CYP4X1: variants seen among roughly 807,000 people sequenced by gnomAD.
CYP4X1 encodes cytochrome P450 4X1.
In CYP4X1, 44 loss-of-function variants were observed where a neutral mutation model predicts 57.9. The ratio of observed to expected loss-of-function variants is 0.76; its 90% CI spans 0.60 to 0.98. The LOEUF is 0.98. Ranked by LOEUF, CYP4X1 falls within the 50% of genes least tolerant of loss-of-function variation. The probability of loss-of-function intolerance (pLI) is 0.00; values close to 1 mark genes in which losing one functional copy is unlikely to be tolerated. For missense variants in CYP4X1, 532 were observed against 623.9 expected (o/e 0.85, Z 1.57); for synonymous variants, 227 against 228.6 (o/e 0.99, Z 0.06).
At chr1:47,007,822 G>A in the CYP4X1 span, among the ~76,000 whole-genome samples, 48,431 of 152,030 alleles carry the variant, frequency 0.32, 8,212 homozygotes, top group East Asian at 0.51. Flanking sequence ...GGAAGAAAGG[G>A]TATCAGTGAT....
chr1:47,033,231 A>C lies in CYP4X1; in HGVS notation c.365-10A>C, dbSNP rs1557604221. The C allele has an allele frequency of 6.2e-7, 1 of 1,609,832 alleles. No homozygotes were observed. Among genetic ancestry groups the C allele is most frequent in the African/African-American group, 1.3e-5 (1 of 74,518 alleles). The stretch of plus-strand genomic sequence containing the variant: ...AATGGCATAAGGTTTTCTGCCTTTT[A>C]TTTCTCAAGGAAAAGGACTAGCGGC... On this transcript the variant is annotated splice_polypyrimidine_tract_variant and intron_variant, in intron 3 of 11. Transcript: ENST00000371901.
chr1:46,985,328 A>G, the CYP4X1 span, among the ~76,000 whole-genome samples: 1 of 152,018 alleles, frequency 6.6e-6, no homozygotes, highest in African/African-American at 2.4e-5. Context: ...AGTCTATCTC[A>G]AAAAAAATAA....
At chr1:47,002,648 T>C in the CYP4X1 span, among the ~76,000 whole-genome samples, 2 of 152,246 alleles carry the variant, frequency 1.3e-5, no homozygotes, top group African/African-American at 4.8e-5. Context: ...TTCTAAAGCA[T>C]CCATTTTGGA....
the CYP4X1 span, among the ~76,000 whole-genome samples, chr1:46,991,865 C>T: frequency 3.9e-5 from 6 of 152,262 alleles, no homozygotes; most frequent in Admixed American, 2.6e-4. Context: ...TGATTCTCCT[C>T]TGCAAAATAG....
chr1:47,033,666 G>A (rs985854088), intron 4 of CYP4X1, among the ~76,000 whole-genome samples: 1 of 152,172 alleles, frequency 6.6e-6, no homozygotes, highest in Non-Finnish European at 1.5e-5. Context: ...TTCATGGAGG[G>A]CGGGTCTGTA....
intron 8 of CYP4X1, among the ~76,000 whole-genome samples, chr1:47,045,641 G>C (rs2134471): frequency 0.42 from 63,652 of 152,012 alleles, 14,674 homozygotes; most frequent in East Asian, 0.97. Context: ...CTGTTTCTGG[G>C]CCCTCCAGGA....
At chr1:46,976,018 T>A in the CYP4X1 span, among the ~76,000 whole-genome samples, 2 of 152,098 alleles carry the variant, frequency 1.3e-5, no homozygotes, top group Non-Finnish European at 2.9e-5. Context: ...GTCTGCAGCT[T>A]CTCGTGTGAT....
chr1:47,028,785 A>G (rs1644096819), intron 1 of CYP4X1, among the ~76,000 whole-genome samples: 1 of 152,196 alleles, frequency 6.6e-6, no homozygotes, highest in South Asian at 2.1e-4. Context: ...ATTTCTCTGT[A>G]TCTCTACCAC....
intron 8 of CYP4X1, among the ~76,000 whole-genome samples, chr1:47,040,050 T>G (rs1227656572): frequency 6.6e-6 from 1 of 152,212 alleles, no homozygotes; most frequent in Non-Finnish European, 1.5e-5. Context: ...GAGGACATTT[T>G]AAATACTGAG....
chr1:47,039,224 TA>T, intron 7 of CYP4X1, 117 bp from the exon 8 acceptor site: 1 of 894,108 alleles, frequency 1.1e-6, no homozygotes, highest in Non-Finnish European at 1.6e-6. Context: ...TGAACTGAAT[TA>T]AAATTTAAAC....
chr1:46,979,191 G>A, the CYP4X1 span, among the ~76,000 whole-genome samples: 273 of 152,216 alleles, frequency 1.8e-3, no homozygotes, highest in African/African-American at 6.5e-3. Context: ...CCAGGAGCTG[G>A]TTTTTTGAAA....
the CYP4X1 span, among the ~76,000 whole-genome samples, chr1:46,976,589 G>C: frequency 1.2e-4 from 18 of 152,260 alleles, no homozygotes; most frequent in Admixed American, 3.3e-4. Context: ...GCTCTGAAGA[G>C]AGCAATGGTT....
Position 47,049,485 on chromosome 1 carries a change from C to T in CYP4X1, c.1336C>T (p.Pro446Ser), listed in dbSNP as rs1257697072. The T allele has an allele frequency of 6.2e-7, 1 of 1,614,026 alleles. No individual in the cohort carries two copies. ...TCAGAGACACCCCTATGCCTACTTA[C>T]CATTCTCAGCTGGATCAAGGTGAGA... ...SDQRHPYAYL[P>S]FSAGSRNCIG... Residue 446 changes from proline (P) to serine (S), a missense_variant, in exon 11 of 12, where the codon CCA (proline) becomes TCA (serine). Pro to Ser is a moderately conservative substitution (Grantham distance 74). Coordinates refer to ENST00000371901, the MANE Select transcript of CYP4X1 (RefSeq NM_178033.2).
At chr1:47,005,321 G>A in the CYP4X1 span, among the ~76,000 whole-genome samples, 1 of 152,148 alleles carries the variant, frequency 6.6e-6, no homozygotes, top group Non-Finnish European at 1.5e-5. Flanking sequence ...TCCCAAGCAG[G>A]GGGCTTGGTT....
Position 47,046,459 on chromosome 1 carries a change from C to T in CYP4X1, c.1074-8C>T. The T allele has an allele frequency of 1.9e-6, 3 of 1,613,986 alleles. No homozygotes were observed. The highest frequency in any genetic ancestry group is 2.5e-6 in the Non-Finnish European group (3 of 1,179,916). On this transcript the variant is annotated splice_region_variant and splice_polypyrimidine_tract_variant and intron_variant, in intron 8 of 11. Transcript: ENST00000371901. ...TATCTGAGTCCCTTCCCTCCCTCATCCTCACAGGGACCAGCTGGGTGAGAT... is the reference window on the plus strand; with the variant it reads ...TATCTGAGTCCCTTCCCTCCCTCATTCTCACAGGGACCAGCTGGGTGAGAT...
At chr1:47,054,929 T>A (rs1251364656), downstream of CYP4X1, among the ~76,000 whole-genome samples, 2 of 152,210 alleles carry the variant, frequency 1.3e-5, no homozygotes, top group Admixed American at 6.5e-5. Flanking sequence ...CCTGCCGGAT[T>A]GCCCTGGCCA....
At chr1:46,982,147 C>G in the CYP4X1 span, among the ~76,000 whole-genome samples, 1 of 152,078 alleles carries the variant, frequency 6.6e-6, no homozygotes, top group African/African-American at 2.4e-5. Flanking sequence ...AGAAAAAAAT[C>G]CATTTGTGTA....
the CYP4X1 span, among the ~76,000 whole-genome samples, chr1:47,012,387 ATCGCACACCAGGGCCTG>A: frequency 6.6e-6 from 1 of 152,154 alleles, no homozygotes; most frequent in Admixed American, 6.5e-5. Flanking sequence ...GGTGGGGAAC[ATCGCACACCAGGGCCTG>A]TCATGGGGTG....
chr1:46,980,491 T>A, the CYP4X1 span, among the ~76,000 whole-genome samples: 1 of 152,162 alleles, frequency 6.6e-6, no homozygotes, highest in Non-Finnish European at 1.5e-5. Context: ...CACAAACAAA[T>A]GGAAGAGCAT....
Sources: gnomAD v4.1 joint callset for allele counts (sites outside exome capture counted in the v4.1 genomes callset) on GRCh38, gnomAD v4.1.1 for gene constraint, MANE v1.5 for transcripts, NCBI Gene and HGNC (gene_info 2026-07-23, HGNC 2026-07-21) for gene names.